Variants in REDIC1 observed in about 807,000 individuals in gnomAD.
REDIC1 encodes the protein regulator of DNA class I crossover intermediates 1, also known as HEI10 Interacting Protein 1.
the REDIC1 span, among the ~76,000 whole-genome samples, chr12:39,766,263 G>T: frequency 6.6e-6 from 1 of 152,090 alleles, no homozygotes; most frequent in East Asian, 1.9e-4. Flanking sequence ...TGCGAGGTCA[G>T]TTCCAGACCA....
At chr12:39,783,001 T>C in the REDIC1 span, among the ~76,000 whole-genome samples, 1 of 152,158 alleles carries the variant, frequency 6.6e-6, no homozygotes, top group Non-Finnish European at 1.5e-5. Flanking sequence ...CTTATGTCTC[T>C]TAATGCTATC....
chr12:39,820,889 C>T, the REDIC1 span, among the ~76,000 whole-genome samples: 1 of 151,622 alleles, frequency 6.6e-6, no homozygotes, highest in African/African-American at 2.4e-5. Flanking sequence ...ATTCCTTCTT[C>T]CTTCTTATAT....
chr12:39,660,936 T>C, the REDIC1 span, among the ~76,000 whole-genome samples: 6 of 152,280 alleles, frequency 3.9e-5, no homozygotes, highest in South Asian at 1.0e-3. Flanking sequence ...TTTCTGTGTC[T>C]GGCTTATTTC....
chr12:39,775,566 T>C, the REDIC1 span, among the ~76,000 whole-genome samples: 2 of 152,214 alleles, frequency 1.3e-5, no homozygotes, highest in Non-Finnish European at 2.9e-5. Context: ...GAAAATACTT[T>C]GAAGTTCTTT....
the REDIC1 span, among the ~76,000 whole-genome samples, chr12:39,783,484 C>A: frequency 1.3e-5 from 2 of 152,294 alleles, no homozygotes; most frequent in African/African-American, 2.4e-5. Flanking sequence ...TACAGTCCCA[C>A]CAACAGTGTA....
chr12:39,866,297 T>C, the REDIC1 span, among the ~76,000 whole-genome samples: 1 of 152,182 alleles, frequency 6.6e-6, no homozygotes, highest in Non-Finnish European at 1.5e-5. Context: ...GCATTATGGG[T>C]ACAGAGGTGA....
chr12:39,631,459 TA>T, the REDIC1 span, among the ~76,000 whole-genome samples: 10 of 152,292 alleles, frequency 6.6e-5, no homozygotes, highest in Admixed American at 2.6e-4. Context: ...TTTAATTGGT[TA>T]TTTTTTTTTT....
chr12:39,827,098 C>T, the REDIC1 span, among the ~76,000 whole-genome samples: 1 of 151,812 alleles, frequency 6.6e-6, no homozygotes, highest in Non-Finnish European at 1.5e-5. Flanking sequence ...TTCCCATGGA[C>T]ATCTCATGTA....
the REDIC1 span, among the ~76,000 whole-genome samples, chr12:39,732,774 C>A: frequency 1.3e-5 from 2 of 151,962 alleles, no homozygotes; most frequent in African/African-American, 4.8e-5. Context: ...AATGTTTATC[C>A]TTATTGAAAC....
chr12:39,695,260 C>T, the REDIC1 span, among the ~76,000 whole-genome samples: 2 of 152,134 alleles, frequency 1.3e-5, no homozygotes, highest in Admixed American at 1.3e-4. Context: ...CCTTAGGTAC[C>T]AGCACAGTCA....
At chr12:39,851,772 A>G in the REDIC1 span, among the ~76,000 whole-genome samples, 1 of 152,210 alleles carries the variant, frequency 6.6e-6, no homozygotes, top group Non-Finnish European at 1.5e-5. Flanking sequence ...TGAGTCATTG[A>G]TCACTGCAAA....
the REDIC1 span, among the ~76,000 whole-genome samples, chr12:39,818,246 G>A: frequency 0.057 from 8,693 of 151,930 alleles, 311 homozygotes; most frequent in East Asian, 0.15. Flanking sequence ...CTGAGGAGTT[G>A]ATTTTTGAAA....
At chr12:39,897,828 A>G in the REDIC1 span, among the ~76,000 whole-genome samples, 237 of 152,228 alleles carry the variant, frequency 1.6e-3, 1 homozygote, top group African/African-American at 5.4e-3. Flanking sequence ...TTTCTATAAT[A>G]TTTTCATAAA....
chr12:39,906,348 A>C, the REDIC1 span, among the ~76,000 whole-genome samples: 1 of 152,156 alleles, frequency 6.6e-6, no homozygotes, highest in African/African-American at 2.4e-5. Context: ...AGTCATTGTC[A>C]GTCCTCCTGC....
chr12:39,703,959 A>T, the REDIC1 span, among the ~76,000 whole-genome samples: 2 of 152,206 alleles, frequency 1.3e-5, no homozygotes, highest in African/African-American at 4.8e-5. Context: ...GTTAGACCTA[A>T]AACCATAAAA....
chr12:39,759,558 G>C, the REDIC1 span: 1 of 153,564 alleles, frequency 6.5e-6, no homozygotes, highest in African/African-American at 2.4e-5. Flanking sequence ...TCAGAGATAA[G>C]CCACTACTCT....
chr12:39,702,463 G>C, the REDIC1 span, among the ~76,000 whole-genome samples: 3 of 152,134 alleles, frequency 2.0e-5, no homozygotes, highest in Admixed American at 2.0e-4. Flanking sequence ...ACCAAAAAGA[G>C]TCCAGGACCA....
the REDIC1 span, among the ~76,000 whole-genome samples, chr12:39,888,758 C>T: frequency 1.3e-5 from 2 of 152,106 alleles, no homozygotes; most frequent in East Asian, 1.9e-4. Flanking sequence ...ATAGTGTTTT[C>T]CTCTATCTGA....
At chr12:39,679,863 A>G in the REDIC1 span, among the ~76,000 whole-genome samples, 1 of 152,220 alleles carries the variant, frequency 6.6e-6, no homozygotes, top group Admixed American at 6.5e-5. Context: ...CTGATCTTCG[A>G]CAAAGCAAAC....
Sources: gnomAD v4.1 joint callset for allele counts (sites outside exome capture counted in the v4.1 genomes callset) on GRCh38, gnomAD v4.1.1 for gene constraint, MANE v1.5 for transcripts, NCBI Gene and HGNC (gene_info 2026-07-23, HGNC 2026-07-21) for gene names.